PAPSS2: variants seen among roughly 807,000 people sequenced by gnomAD.
The protein encoded by PAPSS2 is bifunctional 3'-phosphoadenosine 5'-phosphosulfate synthase 2.
A neutral mutation model predicts 66.5 loss-of-function variants in PAPSS2; 61 were observed. The ratio of observed to expected loss-of-function variants is 0.92; its 90% CI spans 0.75 to 1.14. PAPSS2 has a LOEUF of 1.14. Among genes scored for constraint, PAPSS2 ranks in the 50% most tolerant of loss-of-function variants. PAPSS2 has a pLI of 0.00. For missense variants in PAPSS2, 708 were observed against 789.6 expected (o/e 0.90, Z 1.24); for synonymous variants, 289 against 287.5 (o/e 1.01, Z -0.05).
chr10:87,738,687 G>A (rs1029587435), intron 9 of PAPSS2, among the ~76,000 whole-genome samples: 1 of 152,200 alleles, frequency 6.6e-6, no homozygotes, highest in African/African-American at 2.4e-5. Flanking sequence ...ACAGGCGTGA[G>A]CCACTGTGCC....
At chr10:87,677,754 A>T (rs780155441) in intron 1 of PAPSS2, among the ~76,000 whole-genome samples, 1 of 152,204 alleles carries the variant, frequency 6.6e-6, no homozygotes, top group Non-Finnish European at 1.5e-5. Flanking sequence ...CTCTTTATAT[A>T]ATGACAGCAT....
intron 8 of PAPSS2, among the ~76,000 whole-genome samples, chr10:87,726,223 A>G (rs1296159838): frequency 6.6e-6 from 1 of 152,190 alleles, no homozygotes; most frequent in Non-Finnish European, 1.5e-5. Flanking sequence ...TGAGGTCAAG[A>G]GATCGAGACC....
At chr10:87,695,863 A>G (rs1853225918) in intron 1 of PAPSS2, among the ~76,000 whole-genome samples, 2 of 152,216 alleles carry the variant, frequency 1.3e-5, no homozygotes, top group South Asian at 4.1e-4. Flanking sequence ...GTTTTATCAC[A>G]AAGAGCCCTT....
intron 7 of PAPSS2, among the ~76,000 whole-genome samples, chr10:87,721,030 C>T (rs370184765): frequency 1.3e-5 from 2 of 152,230 alleles, no homozygotes; most frequent in Non-Finnish European, 1.5e-5. Flanking sequence ...GCTATTCTTC[C>T]GCAGCTCTGA....
At chr10:87,661,158 T>C in intron 1 of PAPSS2, 1 of 392,200 alleles carries the variant, frequency 2.5e-6, no homozygotes, top group East Asian at 7.2e-5. Context: ...AAAAACAAAA[T>C]ATAAAGCCAA....
intron 1 of PAPSS2, 50 bp downstream of exon 1, chr10:87,660,058 C>A: frequency 5.7e-6 from 9 of 1,579,690 alleles, no homozygotes; most frequent in Non-Finnish European, 7.8e-6. Flanking sequence ...CTGCACGCGC[C>A]GACCCCCAAC....
chr10:87,685,056 G>T (rs1266878281), intron 1 of PAPSS2, among the ~76,000 whole-genome samples: 3 of 152,246 alleles, frequency 2.0e-5, no homozygotes, highest in Non-Finnish European at 2.9e-5. Flanking sequence ...CCAGTTTTCT[G>T]AGCTTAGGGT....
At chr10:87,730,547 C>T (rs1211937074) in intron 9 of PAPSS2, among the ~76,000 whole-genome samples, 1 of 152,204 alleles carries the variant, frequency 6.6e-6, no homozygotes, top group South Asian at 2.1e-4. Flanking sequence ...TTAGAGAAAG[C>T]CTGGCTGTAT....
At chr10:87,714,938 A>G (rs1280307399) in intron 5 of PAPSS2, 47 bp from the exon 6 acceptor site, 1 of 1,434,468 alleles carries the variant, frequency 7.0e-7, no homozygotes, top group African/African-American at 1.4e-5. Context: ...TTACTGAAGC[A>G]TTCTTTTTAC....
At chr10:87,741,205 C>CATT (rs1449490742) in intron 9 of PAPSS2, 30 bp from the exon 10 acceptor site, 1 of 1,610,302 alleles carries the variant, frequency 6.2e-7, no homozygotes, top group Admixed American at 1.7e-5. Context: ...CACAATTAAT[C>CATT]ATTAGCAATC....
In PAPSS2 at chr10:87,719,048, TACTTATA is replaced by T. The variant is rs554946708; in HGVS notation, c.866-2707_866-2701del. On this transcript the variant is annotated intron_variant, in intron 7 of 12. Transcript: ENST00000456849. ...CTCTGCAAACAGAGTCCACTGGACATACTTATACAACCCCAGTTATGATCAGGATTCT... is the reference window on the plus strand; with the variant it reads ...CTCTGCAAACAGAGTCCACTGGACATCAACCCCAGTTATGATCAGGATTCT... Among the ~76,000 whole-genome samples the T allele has an allele frequency of 1.7e-3, 252 of 152,338 alleles. 1 individual carries two copies. The highest frequency in any genetic ancestry group is 5.8e-3 in the African/African-American group (240 of 41,582).
intron 1 of PAPSS2, among the ~76,000 whole-genome samples, chr10:87,699,756 G>C (rs547670790): frequency 6.6e-6 from 1 of 151,202 alleles, no homozygotes. Context: ...AGGCTGAGGC[G>C]GGAGAATCAC....
chr10:87,665,005 C>T (rs991356794), intron 1 of PAPSS2, among the ~76,000 whole-genome samples: 3 of 152,120 alleles, frequency 2.0e-5, no homozygotes, highest in African/African-American at 7.2e-5. Flanking sequence ...TTAGGATCCA[C>T]ATTTTTTCCT....
chr10:87,705,607 G>T (rs1426967995), intron 1 of PAPSS2, among the ~76,000 whole-genome samples: 1 of 152,038 alleles, frequency 6.6e-6, no homozygotes, highest in Non-Finnish European at 1.5e-5. Context: ...GTTTTAATTT[G>T]CATTCTTCTG....
chr10:87,740,707 C>A (rs1853858105), intron 9 of PAPSS2, among the ~76,000 whole-genome samples: 1 of 152,180 alleles, frequency 6.6e-6, no homozygotes, highest in African/African-American at 2.4e-5. Flanking sequence ...TCTTTTCCAG[C>A]TACCTACCTA....
At chr10:87,726,397 T>C (rs1853659909) in intron 8 of PAPSS2, among the ~76,000 whole-genome samples, 2 of 152,154 alleles carry the variant, frequency 1.3e-5, no homozygotes. Context: ...GCCAGTGAAC[T>C]CCAGCCTGGC....
intron 9 of PAPSS2, among the ~76,000 whole-genome samples, chr10:87,740,281 A>G (rs1853851919): frequency 7.5e-6 from 1 of 133,244 alleles, no homozygotes. Flanking sequence ...ACTAGTAGTG[A>G]TATTAACACA....
At position 87,747,223 on chromosome 10, in the gene PAPSS2, TGAGAC is replaced by T. The variant is rs1019829331; in HGVS notation, c.*1254_*1258del. ...CTATTCCAAAGATTTCAAGCTGTTC[TGAGAC>T]ATCTTCTGATGGCTTTACTTCCTGA... On this transcript the variant is annotated 3_prime_UTR_variant, in exon 13 of 13. Coordinates refer to ENST00000456849, the MANE Select transcript of PAPSS2 (RefSeq NM_001015880.2). 1.2e-3 allele frequency: 180 copies of T among 152,266 alleles called. 1 individual carries two copies. Among genetic ancestry groups the T allele is most frequent in the African/African-American group, 4.2e-3 (174 of 41,550 alleles). 9.4% of individuals were successfully genotyped at this position (152,266 alleles called of 1,614,324 possible). A position where few individuals can be genotyped will look rare whatever the true frequency, so the allele number is the denominator to read the frequency against.
chr10:87,729,486 G>A (rs924711022), intron 9 of PAPSS2, among the ~76,000 whole-genome samples: 5 of 152,062 alleles, frequency 3.3e-5, no homozygotes, highest in African/African-American at 1.2e-4. Flanking sequence ...AGACTTAATT[G>A]ATAAATGTTG....
Sources: allele counts gnomAD v4.1 joint callset (sites outside exome capture counted in the v4.1 genomes callset), GRCh38; gene constraint gnomAD v4.1.1; transcripts MANE v1.5; gene names NCBI Gene and HGNC (gene_info 2026-07-23, HGNC 2026-07-21).